The following SLC24A5 variants were observed in gnomAD, a reference collection of about 807,000 sequenced individuals.
The protein encoded by SLC24A5 is sodium/potassium/calcium exchanger 5.
A neutral mutation model predicts 51.6 loss-of-function variants in SLC24A5; 46 were observed. That is an observed-to-expected ratio of 0.89 (90% CI 0.70 to 1.14). SLC24A5 has a LOEUF of 1.14. Among genes scored for constraint, SLC24A5 ranks in the 50% most tolerant of loss-of-function variants. SLC24A5 has a pLI of 0.00. For missense variants in SLC24A5, 581 were observed against 604.1 expected, an observed-to-expected ratio of 0.96 and a Z score of 0.40; for synonymous variants, 230 against 214.9, an observed-to-expected ratio of 1.07 and a Z score of -0.62.
intron 2 of SLC24A5, among the ~76,000 whole-genome samples, chr15:48,131,297 T>C (rs1392990054): frequency 6.6e-6 from 1 of 152,100 alleles, no homozygotes; most frequent in Admixed American, 6.6e-5. Context: ...TATATGTGTA[T>C]ATGTATGTAA....
At chr15:48,121,209 T>A in intron 1 of SLC24A5, 44 bp downstream of exon 1, 2 of 1,555,498 alleles carry the variant, frequency 1.3e-6, no homozygotes, top group African/African-American at 1.4e-5. Flanking sequence ...CAGCAGCTGC[T>A]GCTGCTGCTA....
intron 8 of SLC24A5, chr15:48,141,817 TAATA>T (rs975224498): frequency 1.2e-5 from 4 of 341,398 alleles, no homozygotes; most frequent in Non-Finnish European, 2.1e-5. Context: ...AAAAATGGTT[TAATA>T]AATATAATTA....
intron 1 of SLC24A5, 116 bp downstream of exon 1, chr15:48,121,281 T>G: frequency 8.9e-7 from 1 of 1,125,606 alleles, no homozygotes; most frequent in Non-Finnish European, 1.2e-6. Context: ...TTACTTACGC[T>G]TCTGAATTTT....
At chr15:48,140,743 A>G (rs1431845814) in intron 7 of SLC24A5, 1 of 195,310 alleles carries the variant, frequency 5.1e-6, no homozygotes, top group African/African-American at 2.4e-5. Flanking sequence ...ACTCTGACTA[A>G]TATTTTTAAG....
intron 4 of SLC24A5, 32 bp downstream of exon 4, chr15:48,134,570 T>C (rs2038849870): frequency 1.3e-6 from 2 of 1,547,184 alleles, no homozygotes; most frequent in African/African-American, 2.7e-5. Flanking sequence ...CAAAATGTAT[T>C]GTCTTAAAAA....
chr15:48,121,533 T>A (rs1250212244), intron 1 of SLC24A5, among the ~76,000 whole-genome samples: 4 of 152,146 alleles, frequency 2.6e-5, no homozygotes, highest in Non-Finnish European at 5.9e-5. Context: ...ACAATAGAAA[T>A]CTTCATGTAT....
rs376105165 is a variant in SLC24A5, at chr15:48,138,966, C to T, written c.872-3C>T. 4.0e-5 allele frequency: 65 copies of T among 1,608,110 alleles called. 1 individual carries two copies. The African/African-American group carries it at 7.9e-4, about 20-fold the overall frequency. On this transcript the variant is annotated splice_polypyrimidine_tract_variant and splice_region_variant and intron_variant, in intron 6 of 8. Transcript: ENST00000341459. ...TCAAAAGTGTTTACTTTTTCCACAA[C>T]AGATCCACCAAGTGTTTTCAACATG...
rs752641969 is a variant in SLC24A5, at chr15:48,134,896, T to A, written c.502T>A (p.Ser168Thr). 3.7e-6 allele frequency: 6 copies of A among 1,610,810 alleles called. No homozygotes were observed. Among genetic ancestry groups the A allele is most frequent in the Admixed American group, 1.7e-5 (1 of 59,904 alleles). The change falls in exon 5 of 9, where the codon TCA becomes ACA. Residue 168 changes from serine to threonine, a missense_variant. Physicochemically the swap from Ser to Thr is moderately conservative, Grantham distance 58 (BLOSUM62 1). Coordinates refer to ENST00000341459, the MANE Select transcript of SLC24A5 (RefSeq NM_205850.3). ...TACCATATTACAGGTCTCAACACTA[T>A]CATGTTGGCCCCTATTCAGAGACTG... is the stretch of plus-strand genomic sequence containing the variant. ...GLLSNTVSTL[S>T]CWPLFRDCAA...
intron 2 of SLC24A5, among the ~76,000 whole-genome samples, chr15:48,129,520 C>A (rs1354322081): frequency 6.6e-6 from 1 of 152,028 alleles, no homozygotes; most frequent in Non-Finnish European, 1.5e-5. Flanking sequence ...TCACAAAGCA[C>A]AAAAGTTTGC....
At chr15:48,127,965 T>A (rs900227044) in intron 2 of SLC24A5, among the ~76,000 whole-genome samples, 2 of 151,194 alleles carry the variant, frequency 1.3e-5, no homozygotes, top group African/African-American at 4.8e-5. Flanking sequence ...TAAATTTAAA[T>A]AATTTAAATA....
At chr15:48,141,250 C>G (rs201749426) in intron 8 of SLC24A5, 36 bp downstream of exon 8, 3 of 1,480,816 alleles carry the variant, frequency 2.0e-6, no homozygotes, top group Non-Finnish European at 9.4e-7. Context: ...AATGGTCATT[C>G]TACAAGGCTA....
Position 48,134,311 on chromosome 15 carries a change from T to C in SLC24A5, c.355T>C (p.Ser119Pro). 1 of 1,613,662 alleles carries C rather than the reference T, an allele frequency of 6.2e-7. No individual in the cohort carries two copies. The highest frequency in any genetic ancestry group is 8.5e-7 in the Non-Finnish European group (1 of 1,179,668). Residue 119 changes from serine (S) to proline (P), a missense_variant, in exon 3 of 9, where the codon TCA becomes CCA. Physicochemically the swap from Ser to Pro is moderately conservative, Grantham distance 74. Transcript: ENST00000341459. ...CACAACTTTCATGGCAGCGGGCAGTTCAGCTCCTGAATTAGTTACTGCTTT... is the reference window on the plus strand; with the variant it reads ...CACAACTTTCATGGCAGCGGGCAGTCCAGCTCCTGAATTAGTTACTGCTTT... Reference protein sequence around the residue: ...AGTTFMAAGSSAPELVTAFLG... With the variant: ...AGTTFMAAGSPAPELVTAFLG...
In SLC24A5 at chr15:48,121,139, T is replaced by C; in HGVS notation, c.95T>C (p.Leu32Pro). Residue 32 changes from leucine to proline, a missense_variant, in exon 1 of 9, where the codon CTG (leucine) becomes CCG (proline). Leu to Pro is a moderately conservative substitution (Grantham distance 98, BLOSUM62 -3). Coordinates refer to ENST00000341459, the MANE Select transcript of SLC24A5 (RefSeq NM_205850.3). The stretch of plus-strand genomic sequence containing the variant: ...CATCTGCCTCTCTCAGGGACCTCCC[T>C]GCCCCAACGTCTCCCAAGGGCCACA... Reference protein sequence around the residue: ...TAHLPLSGTSLPQRLPRATGN... With the variant: ...TAHLPLSGTSPPQRLPRATGN... The C allele has an allele frequency of 6.2e-7, 1 of 1,613,552 alleles. No individual in the cohort carries two copies. The highest frequency in any genetic ancestry group is 8.5e-7 in the Non-Finnish European group (1 of 1,179,720).
At chr15:48,130,446 A>G (rs1218021051) in intron 2 of SLC24A5, among the ~76,000 whole-genome samples, 1 of 152,140 alleles carries the variant, frequency 6.6e-6, no homozygotes, top group African/African-American at 2.4e-5. Context: ...GAGTGCAGTG[A>G]ATAGGAACAA....
rs111834801 is a variant in SLC24A5, at chr15:48,138,992, C to G, written c.895C>G (p.Pro299Ala). Reference protein sequence around the residue: ...SEDPPSVFNMPEADLKRIFWV... With the variant: ...SEDPPSVFNMAEADLKRIFWV... The stretch of plus-strand genomic sequence containing the variant: ...AGATCCACCAAGTGTTTTCAACATG[C>G]CTGAAGCAGACTTAAAAAGAATTTT... The change falls in exon 7 of 9, where the codon CCT becomes GCT. Residue 299 changes from proline to alanine, a missense_variant. Coordinates refer to ENST00000341459, the MANE Select transcript of SLC24A5 (RefSeq NM_205850.3). The G allele has an allele frequency of 6.2e-7, 1 of 1,612,498 alleles. No homozygotes were observed. The highest frequency in any genetic ancestry group is 8.5e-7 in the Non-Finnish European group (1 of 1,178,944).
Position 48,134,600 on chromosome 15 carries a change from G to A in SLC24A5, c.489+62G>A, listed in dbSNP as rs555121899. ...TAAAAAATTCTAAAGATAACTGTTCGTCGTCTGGGATGGACAACAGGGCAC... is the reference window on the plus strand; with the variant it reads ...TAAAAAATTCTAAAGATAACTGTTCATCGTCTGGGATGGACAACAGGGCAC... On this transcript the variant is annotated intron_variant, in intron 4 of 8. Transcript: ENST00000341459. The A allele has an allele frequency of 1.7e-4, 232 of 1,342,120 alleles. 3 individuals carry two copies. In the South Asian group the frequency reaches 2.3e-3, roughly 13 times the overall value. 83.1% of individuals were successfully genotyped at this position (1,342,120 alleles called of 1,614,324 possible).
At position 48,121,950 on chromosome 15, in the gene SLC24A5, A is replaced by G; in HGVS notation, c.215A>G (p.Tyr72Cys). Residue 72 changes from tyrosine (Y) to cysteine (C), a missense_variant, in exon 2 of 9, where the codon TAT (tyrosine) becomes TGT (cysteine). Coordinates refer to ENST00000341459, the MANE Select transcript of SLC24A5 (RefSeq NM_205850.3). ...CGCAGAGATGGAGGCATCATAATCT[A>G]TTTCCTAATTATCGTTTACATGTTC... ...QERRDGGIIIYFLIIVYMFMA... is the reference protein window; with the variant it reads ...QERRDGGIIICFLIIVYMFMA... 3 of 1,614,052 alleles carry G rather than the reference A, an allele frequency of 1.9e-6. No individual in the cohort carries two copies. The highest frequency in any genetic ancestry group is 2.5e-6 in the Non-Finnish European group (3 of 1,179,952).
chr15:48,133,766 G>C (rs567511848), intron 2 of SLC24A5, among the ~76,000 whole-genome samples: 3 of 151,998 alleles, frequency 2.0e-5, no homozygotes, highest in Non-Finnish European at 4.4e-5. Flanking sequence ...CCCATATTCC[G>C]AATAATATTT....
rs2038782048 is a variant in SLC24A5, at chr15:48,130,778, C to A, written c.302-3480C>A. ...TCTTGGCTCTCGGTAACTATTTTTTCCACCAGGAAAGAATAGAATGAGGGT... is the reference window on the plus strand; with the variant it reads ...TCTTGGCTCTCGGTAACTATTTTTTACACCAGGAAAGAATAGAATGAGGGT... On this transcript the variant is annotated intron_variant, in intron 2 of 8. Transcript: ENST00000341459. 2.0e-5 allele frequency among the ~76,000 whole-genome samples: 3 copies of A among 152,168 alleles called. No individual in the cohort carries two copies. The South Asian group carries it at 6.2e-4, about 32-fold the overall frequency.
Sources: allele counts gnomAD v4.1 joint callset (sites outside exome capture counted in the v4.1 genomes callset), GRCh38; gene constraint gnomAD v4.1.1; transcripts MANE v1.5; gene names NCBI Gene and HGNC (gene_info 2026-07-23, HGNC 2026-07-21).